The following BMPR1A variants were observed in gnomAD, a reference collection of about 807,000 sequenced individuals.
BMPR1A encodes bone morphogenetic protein receptor type-1A.
Under a neutral mutation model 66.0 loss-of-function variants are expected in BMPR1A, and 7 were observed. The ratio of observed to expected loss-of-function variants is 0.11; its 90% CI spans 0.06 to 0.20. The LOEUF (loss-of-function observed/expected upper bound fraction) is 0.20, where lower values mean the gene tolerates loss of function less well. Among genes scored for constraint, BMPR1A ranks in the 10% least tolerant of loss-of-function variants. BMPR1A has a pLI of 1.00. For synonymous variants in BMPR1A, 200 were observed against 229.7 expected (o/e 0.87, Z 1.17); for missense variants, 408 against 669.1 (o/e 0.61, Z 4.31).
intron 1 of BMPR1A, among the ~76,000 whole-genome samples, chr10:86,783,264 T>G (rs187343384): frequency 1.1e-3 from 163 of 152,348 alleles, no homozygotes; most frequent in African/African-American, 3.8e-3. Flanking sequence ...TTGTAACAAG[T>G]TTTGAAATCA....
intron 5 of BMPR1A, among the ~76,000 whole-genome samples, chr10:86,897,999 T>G (rs1843250476): frequency 6.6e-6 from 1 of 152,190 alleles, no homozygotes; most frequent in Non-Finnish European, 1.5e-5. Context: ...AAAGCTAGGA[T>G]TCAAACTGTT....
intron 4 of BMPR1A, among the ~76,000 whole-genome samples, chr10:86,891,672 G>A (rs540283294): frequency 6.6e-6 from 1 of 151,388 alleles, no homozygotes; most frequent in South Asian, 2.1e-4. Flanking sequence ...CTTTTTTTTG[G>A]TCATTAAGCC....
intron 1 of BMPR1A, among the ~76,000 whole-genome samples, chr10:86,826,715 T>G (rs1842200858): frequency 6.6e-6 from 1 of 152,070 alleles, no homozygotes; most frequent in African/African-American, 2.4e-5. Flanking sequence ...CGCTGTATAA[T>G]AGTTTAGTAT....
intron 1 of BMPR1A, among the ~76,000 whole-genome samples, chr10:86,799,535 TTTTC>T (rs757069373): frequency 2.7e-5 from 4 of 149,976 alleles, no homozygotes; most frequent in Admixed American, 6.7e-5. Flanking sequence ...CTTTTCTTTC[TTTTC>T]TTTCTTTCTT....
intron 1 of BMPR1A, among the ~76,000 whole-genome samples, chr10:86,826,521 G>T (rs1842198349): frequency 1.3e-5 from 2 of 152,022 alleles, no homozygotes; most frequent in African/African-American, 4.8e-5. Context: ...CCACCCGGCA[G>T]TGGTCTTTTA....
chr10:86,873,438 T>G (rs903445734), intron 2 of BMPR1A, among the ~76,000 whole-genome samples: 1 of 136,884 alleles, frequency 7.3e-6, no homozygotes, highest in Non-Finnish European at 1.6e-5. Context: ...CCTATTAAAT[T>G]AAAAAAAAAA....
chr10:86,865,694 A>G (rs958954022), intron 2 of BMPR1A, among the ~76,000 whole-genome samples: 8 of 152,226 alleles, frequency 5.3e-5, no homozygotes, highest in Non-Finnish European at 1.0e-4. Flanking sequence ...GTATTTCTCA[A>G]CAAGGAGAGT....
chr10:86,926,739 T>G lies in BMPR1A; in HGVS notation c.*3020T>G, dbSNP rs1229251271. 1 of 183,970 alleles carries G rather than the reference T, an allele frequency of 5.4e-6. No individual in the cohort carries two copies. Among genetic ancestry groups the G allele is most frequent in the Non-Finnish European group, 1.2e-5 (1 of 86,764 alleles). 11.4% of individuals were successfully genotyped at this position (183,970 alleles called of 1,614,324 possible). A position where few individuals can be genotyped will look rare whatever the true frequency, so the allele number is the denominator to read the frequency against. The stretch of plus-strand genomic sequence containing the variant: ...TTTGGTCCCACTTGCAATTTAGTGT[T>G]TTTGAAGTGTGTAGCTTCATTCAGA... On this transcript the variant is annotated 3_prime_UTR_variant, in exon 13 of 13. Coordinates refer to ENST00000372037, the MANE Select transcript of BMPR1A (RefSeq NM_004329.3).
chr10:86,879,424 C>A (rs1395829881), intron 3 of BMPR1A, among the ~76,000 whole-genome samples: 1 of 152,178 alleles, frequency 6.6e-6, no homozygotes, highest in Non-Finnish European at 1.5e-5. Context: ...ATTAGACCAA[C>A]GATTATCTCT....
At chr10:86,877,188 T>A (rs1842930024) in intron 3 of BMPR1A, among the ~76,000 whole-genome samples, 1 of 151,798 alleles carries the variant, frequency 6.6e-6, no homozygotes, top group Non-Finnish European at 1.5e-5. Flanking sequence ...ATTAACACCA[T>A]AAAGCTTTTG....
intron 2 of BMPR1A, among the ~76,000 whole-genome samples, chr10:86,866,553 T>A (rs1239519438): frequency 6.6e-6 from 1 of 151,702 alleles, no homozygotes; most frequent in Non-Finnish European, 1.5e-5. Context: ...GGTTTGCAGG[T>A]GCCTGCCACC....
At chr10:86,884,849 C>T (rs912316219) in intron 3 of BMPR1A, among the ~76,000 whole-genome samples, 1 of 152,070 alleles carries the variant, frequency 6.6e-6, no homozygotes, top group African/African-American at 2.4e-5. Context: ...ATGTATCAAC[C>T]CATTTTTGAT....
intron 1 of BMPR1A, among the ~76,000 whole-genome samples, chr10:86,827,256 A>G (rs918096486): frequency 2.0e-5 from 3 of 151,558 alleles, no homozygotes; most frequent in South Asian, 2.1e-4. Flanking sequence ...TTTGAGCTTT[A>G]TACATATGGA....
At chr10:86,921,480 T>C in intron 10 of BMPR1A, 40 bp from the exon 11 acceptor site, 2 of 1,612,040 alleles carry the variant, frequency 1.2e-6, no homozygotes, top group Non-Finnish European at 1.7e-6. Context: ...CTATTTTATT[T>C]TTGGCCCTCA....
In BMPR1A at chr10:86,813,932, A is replaced by G. The variant is rs532151604; in HGVS notation, c.-267-24933A>G. Among the ~76,000 whole-genome samples the G allele has an allele frequency of 4.6e-5, 7 of 152,280 alleles. No individual in the cohort carries two copies. The South Asian group carries it at 1.5e-3, about 32-fold the overall frequency. On this transcript the variant is annotated intron_variant, in intron 1 of 12. Coordinates refer to ENST00000372037, the MANE Select transcript of BMPR1A (RefSeq NM_004329.3). ...TATAATGTTTATACTCGAAAGTTCT[A>G]CTGGCCATAAAATTCTTGGCTTTCA...
intron 1 of BMPR1A, among the ~76,000 whole-genome samples, chr10:86,820,984 A>G (rs1370954314): frequency 6.6e-6 from 1 of 152,264 alleles, no homozygotes; most frequent in African/African-American, 2.4e-5. Flanking sequence ...CTGTAATACC[A>G]GCAGTACCTA....
intron 1 of BMPR1A, among the ~76,000 whole-genome samples, chr10:86,778,932 T>TC (rs1294238425): frequency 2.0e-5 from 3 of 150,388 alleles, no homozygotes; most frequent in Non-Finnish European, 4.4e-5. Context: ...ATTTTCTTTT[T>TC]TTTTTTTTTT....
At chr10:86,774,325 T>C (rs889118770) in intron 1 of BMPR1A, among the ~76,000 whole-genome samples, 1 of 152,152 alleles carries the variant, frequency 6.6e-6, no homozygotes, top group Non-Finnish European at 1.5e-5. Context: ...AGTGTGATGC[T>C]GTTGTAAATT....
chr10:86,829,851 C>T (rs1842244137), intron 1 of BMPR1A, among the ~76,000 whole-genome samples: 1 of 152,048 alleles, frequency 6.6e-6, no homozygotes, highest in African/African-American at 2.4e-5. Context: ...AACAGTAAAG[C>T]AGCTGTGAAC....
Sources: allele counts gnomAD v4.1 joint callset (sites outside exome capture counted in the v4.1 genomes callset), GRCh38; gene constraint gnomAD v4.1.1; transcripts MANE v1.5; gene names NCBI Gene and HGNC (gene_info 2026-07-23, HGNC 2026-07-21).